Variants in SLC12A7 observed in about 807,000 individuals in gnomAD.
SLC12A7 encodes solute carrier family 12 member 7, also known as K-Cl cotransporter 4.
Under a neutral mutation model 120.6 loss-of-function variants are expected in SLC12A7, and 100 were observed. The observed-to-expected ratio is 0.83, with a 90% CI of 0.71 to 0.98. The LOEUF is 0.98. Ranked by LOEUF, SLC12A7 falls within the 50% of genes least tolerant of loss-of-function variation. The pLI, the probability that SLC12A7 is intolerant of heterozygous loss-of-function variation, is 0.00. For missense variants in SLC12A7, 1,373 were observed against 1,548.1 expected (o/e 0.89, Z 1.90); for synonymous variants, 760 against 678.0 (o/e 1.12, Z -1.88).
At position 1,065,283 on chromosome 5, in the gene SLC12A7, C is replaced by T; in HGVS notation, c.2437G>A (p.Asp813Asn). 6.4e-7 allele frequency: 1 copy of T among 1,558,462 alleles called. No homozygotes were observed. Among genetic ancestry groups the T allele is most frequent in the South Asian group, 1.2e-5 (1 of 84,016 alleles). ...CCGAAGGGCCGCCAGCCATGCCTAC[C>T]CACAAAGTTCTTCCAGGAGAAGGGG... is the stretch of plus-strand genomic sequence containing the variant. Reference protein sequence around the residue: ...DNPFSWKNFVDTVRDTTAAHQ... With the variant: ...DNPFSWKNFVNTVRDTTAAHQ... Residue 813 changes from aspartate to asparagine, a missense_variant and splice_region_variant, in exon 18 of 24, where the codon GAC becomes AAC. By Grantham distance (23) the Asp-to-Asn change is conservative. Coordinates refer to ENST00000264930, the MANE Select transcript of SLC12A7 (RefSeq NM_006598.3).
chr5:1,061,022 G>A (rs34396955), intron 20 of SLC12A7, among the ~76,000 whole-genome samples: 9,849 of 126,096 alleles, frequency 0.078, 291 homozygotes, highest in African/African-American at 0.22. Context: ...AGTCTCACCC[G>A]CCGCACCCGC....
At chr5:1,074,113 A>T (rs1015063938) in intron 16 of SLC12A7, among the ~76,000 whole-genome samples, 1 of 152,096 alleles carries the variant, frequency 6.6e-6, no homozygotes, top group Non-Finnish European at 1.5e-5. Flanking sequence ...GACAGGTGAC[A>T]TGCTAGACAG....
upstream of SLC12A7, among the ~76,000 whole-genome samples, chr5:1,115,200 G>A (rs899365947): frequency 6.6e-6 from 1 of 152,336 alleles, no homozygotes; most frequent in South Asian, 2.1e-4. Flanking sequence ...CGTGTGCAGG[G>A]CACAGCCAGG....
chr5:1,155,306 C>T, the SLC12A7 span, among the ~76,000 whole-genome samples: 2 of 152,284 alleles, frequency 1.3e-5, no homozygotes. Flanking sequence ...AGAGAGGCAG[C>T]CCTGGACGAG....
At chr5:1,064,995 G>A (rs1187610476) in intron 18 of SLC12A7, among the ~76,000 whole-genome samples, 1 of 143,464 alleles carries the variant, frequency 7.0e-6, no homozygotes, top group East Asian at 2.2e-4. Context: ...GGATGGCAAA[G>A]GGATGCAGAG....
intron 3 of SLC12A7, among the ~76,000 whole-genome samples, chr5:1,090,878 G>A (rs1740418935): frequency 6.6e-6 from 1 of 152,236 alleles, no homozygotes; most frequent in Non-Finnish European, 1.5e-5. Flanking sequence ...GCGGGAGGCT[G>A]GAGATGCCTG....
chr5:1,053,202 C>G, intron 23 of SLC12A7, 147 bp downstream of exon 23: 2 of 1,061,284 alleles, frequency 1.9e-6, no homozygotes, highest in Non-Finnish European at 1.3e-6. Context: ...CAGAGCCCCA[C>G]TGCATCCCGG....
At chr5:1,142,315 C>CCCTCTCCCTTCTCT in the SLC12A7 span, among the ~76,000 whole-genome samples, 1 of 109,218 alleles carries the variant, frequency 9.2e-6, no homozygotes, top group African/African-American at 3.7e-5. Context: ...CTCCCGTCTC[C>CCCTCTCCCTTCTCT]CCTCTCCCCT....
chr5:1,140,914 G>A, the SLC12A7 span, among the ~76,000 whole-genome samples: 3 of 152,246 alleles, frequency 2.0e-5, no homozygotes, highest in African/African-American at 7.2e-5. Context: ...GCATGAGGCA[G>A]AGCCGTTGGG....
the SLC12A7 span, among the ~76,000 whole-genome samples, chr5:1,148,565 C>T: frequency 6.6e-6 from 1 of 152,192 alleles, no homozygotes. Context: ...AAATGTTATA[C>T]AAAATTATAA....
At chr5:1,104,745 C>T (rs1279793132) in intron 1 of SLC12A7, among the ~76,000 whole-genome samples, 1 of 152,232 alleles carries the variant, frequency 6.6e-6, no homozygotes, top group Non-Finnish European at 1.5e-5. Flanking sequence ...CAAACCACCC[C>T]AGGTCCACAC....
chr5:1,065,053 AGG>A, intron 18 of SLC12A7, among the ~76,000 whole-genome samples: 1 of 58,364 alleles, frequency 1.7e-5, no homozygotes, highest in Admixed American at 2.4e-4. Flanking sequence ...GGGGAGGCAG[AGG>A]GGGACAGTGA....
chr5:1,097,670 A>G (rs1228607162), intron 1 of SLC12A7, among the ~76,000 whole-genome samples: 1 of 152,136 alleles, frequency 6.6e-6, no homozygotes, highest in African/African-American at 2.4e-5. Context: ...TGAGTCCAGA[A>G]CGCGAGGACG....
At chr5:1,121,820 C>T in the SLC12A7 span, among the ~76,000 whole-genome samples, 19 of 152,286 alleles carry the variant, frequency 1.2e-4, no homozygotes, top group South Asian at 3.9e-3. Flanking sequence ...GGTAACTGTG[C>T]CCCAGACTCA....
intron 1 of SLC12A7, among the ~76,000 whole-genome samples, chr5:1,100,901 G>C (rs1446088215): frequency 6.6e-6 from 1 of 152,208 alleles, no homozygotes; most frequent in Non-Finnish European, 1.5e-5. Context: ...GGACAGAAAA[G>C]CACACCCGGG....
chr5:1,052,143 G>C lies in SLC12A7; in HGVS notation c.*217C>G. On this transcript the variant is annotated 3_prime_UTR_variant, in exon 24 of 24. Transcript: ENST00000264930. ...GTCTGCCCTCAGATGCAAGGAAATC[G>C]TCCAGCCACGCCCTGATTTGCTGAG... The C allele has an allele frequency of 6.9e-6, 4 of 579,784 alleles. 1 individual carries two copies. In the South Asian group the frequency reaches 8.5e-5, roughly 12 times the overall value. 35.9% of individuals were successfully genotyped at this position (579,784 alleles called of 1,614,324 possible).
chr5:1,057,730 G>A (rs1735778005), intron 21 of SLC12A7, 81 bp from the exon 22 acceptor site: 3 of 1,375,864 alleles, frequency 2.2e-6, no homozygotes, highest in African/African-American at 2.9e-5. Context: ...CAGGCCGGAG[G>A]TGAGGGCAGC....
At chr5:1,087,723 G>A (rs1039512140) in intron 5 of SLC12A7, among the ~76,000 whole-genome samples, 3 of 152,252 alleles carry the variant, frequency 2.0e-5, no homozygotes, top group Non-Finnish European at 4.4e-5. Context: ...CCGTTAACAC[G>A]CGCAGCACAC....
At chr5:1,088,169 A>G in intron 5 of SLC12A7, 137 bp downstream of exon 5, 1 of 749,424 alleles carries the variant, frequency 1.3e-6, no homozygotes. Context: ...CCAGTGGAGA[A>G]CACGCAGAAG....
Sources: gnomAD v4.1 joint callset for allele counts (sites outside exome capture counted in the v4.1 genomes callset) on GRCh38, gnomAD v4.1.1 for gene constraint, MANE v1.5 for transcripts, NCBI Gene and HGNC (gene_info 2026-07-23, HGNC 2026-07-21) for gene names.